The following DHX37 variants were observed in gnomAD, a reference collection of about 807,000 sequenced individuals.
DHX37 encodes the protein probable ATP-dependent RNA helicase DHX37.
In DHX37, 52 loss-of-function variants were observed where a neutral mutation model predicts 134.3. The observed-to-expected ratio is 0.39, with a 90% CI of 0.31 to 0.49. The LOEUF (loss-of-function observed/expected upper bound fraction) is 0.49, where lower values mean the gene tolerates loss of function less well. Ranked by LOEUF, DHX37 falls within the 20% of genes least tolerant of loss-of-function variation. The pLI, the probability that DHX37 is intolerant of heterozygous loss-of-function variation, is 0.93. For synonymous variants in DHX37, 634 were observed against 670.7 expected, an observed-to-expected ratio of 0.95 and a Z score of 0.85; for missense variants, 1,344 against 1,580.8, an observed-to-expected ratio of 0.85 and a Z score of 2.54.
rs201658078 is a variant in DHX37, at chr12:124,986,083, G to C, written c.276+13C>G. ...GGAGAGCCACTTGCAGACCCTGCCC[G>C]AGTGGGGTGTACCTGGCTCTTTTTC... On this transcript the variant is annotated intron_variant, in intron 2 of 26. Coordinates refer to ENST00000308736, the MANE Select transcript of DHX37 (RefSeq NM_032656.4). 1 of 1,612,938 alleles carries C rather than the reference G, an allele frequency of 6.2e-7. No homozygotes were observed. The highest frequency in any genetic ancestry group is 8.5e-7 in the Non-Finnish European group (1 of 1,179,888).
At chr12:124,956,982 G>A (rs367914590) in intron 17 of DHX37, 47 bp downstream of exon 17, 1 of 1,522,934 alleles carries the variant, frequency 6.6e-7, no homozygotes, top group African/African-American at 1.4e-5. Flanking sequence ...AAGGGAGAGA[G>A]GGCCCTGAAC....
At chr12:124,973,384 A>C (rs1472451711) in intron 6 of DHX37, among the ~76,000 whole-genome samples, 9 of 152,060 alleles carry the variant, frequency 5.9e-5, no homozygotes, top group African/African-American at 2.2e-4. Context: ...AGCCTGGGTG[A>C]CAAAGTGAAA....
Position 124,964,944 on chromosome 12 carries a change from C to T in DHX37, c.1798G>A (p.Glu600Lys). ...AGCACGGTTACCTGTGCTTGCTTCT[C>T]TGGGGCCAGCAGAGAGTACAGCGGG... Reference protein sequence around the residue: ...VLPLYSLLAPEKQAQVFKPPP... With the variant: ...VLPLYSLLAPKKQAQVFKPPP... Residue 600 changes from glutamate to lysine, a missense_variant, in exon 14 of 27, where the codon GAG (glutamate) becomes AAG (lysine). By Grantham distance (56) the Glu-to-Lys change is moderately conservative. Around this residue, in one of 7 missense-constraint regions of DHX37, gnomAD observed 289 missense variants for 323.8 expected, o/e 0.89. Transcript: ENST00000308736. The T allele has an allele frequency of 6.3e-7, 1 of 1,595,178 alleles. No homozygotes were observed. The highest frequency in any genetic ancestry group is 8.5e-7 in the Non-Finnish European group (1 of 1,172,596).
chr12:124,957,225 A>G (rs1954117576), intron 16 of DHX37, 90 bp from the exon 17 acceptor site: 1 of 1,228,562 alleles, frequency 8.1e-7, no homozygotes, highest in Non-Finnish European at 1.1e-6. Flanking sequence ...ACTCCCTCCA[A>G]CCCCTCTCTC....
At chr12:124,985,617 C>T (rs1390422657) in intron 2 of DHX37, among the ~76,000 whole-genome samples, 3 of 149,566 alleles carry the variant, frequency 2.0e-5, no homozygotes, top group East Asian at 2.0e-4. Context: ...CGTGGTGGCA[C>T]GCGCCTGTAA....
At chr12:124,986,338 A>AAGTCAGGGGG in intron 1 of DHX37, 73 bp from the exon 2 acceptor site, 1 of 1,543,300 alleles carries the variant, frequency 6.5e-7, no homozygotes, top group Non-Finnish European at 8.8e-7. Flanking sequence ...AAGCCCCCTG[A>AAGTCAGGGGG]CTTGCATGGG....
intron 6 of DHX37, 82 bp downstream of exon 6, chr12:124,975,337 C>A: frequency 7.1e-7 from 1 of 1,413,588 alleles, no homozygotes; most frequent in South Asian, 1.2e-5. Flanking sequence ...ACAGATGCTG[C>A]TCACCTCCTC....
chr12:124,963,019 G>A (rs747078886), intron 15 of DHX37, among the ~76,000 whole-genome samples: 4 of 152,158 alleles, frequency 2.6e-5, no homozygotes, highest in Admixed American at 6.6e-5. Context: ...CAAGAGCAAT[G>A]AAACCGGAGC....
At position 124,986,181 on chromosome 12, in the gene DHX37, A is replaced by C; in HGVS notation, c.191T>G (p.Leu64Arg). ...CAGAGGCTTCTTCTCCTTCTTCGAC[A>C]GGGGAGGGGCTTTGGTCTTCTTTTT... ...KKKKKTKAPP[L>R]SKKEKKPLTK... The change falls in exon 2 of 27, where the codon CTG becomes CGG. Residue 64 changes from leucine (L) to arginine (R), a missense_variant. Physicochemically the swap from Leu to Arg is moderately radical, Grantham distance 102. Coordinates refer to ENST00000308736, the MANE Select transcript of DHX37 (RefSeq NM_032656.4). 1 of 1,614,154 alleles carries C rather than the reference A, an allele frequency of 6.2e-7. No individual in the cohort carries two copies. The highest frequency in any genetic ancestry group is 8.5e-7 in the Non-Finnish European group (1 of 1,180,032).
chr12:124,956,825 C>T lies in DHX37; in HGVS notation c.2319G>A (p.Arg773=). The T allele has an allele frequency of 6.2e-7, 1 of 1,611,046 alleles. No individual in the cohort carries two copies. The highest frequency in any genetic ancestry group is 8.5e-7 in the Non-Finnish European group (1 of 1,177,822). Residue 773 remains arginine (R), a synonymous_variant, in exon 18 of 27, where the codon CGG becomes CGA. Transcript: ENST00000308736. ...GTGCCACGGGGAATGTGGCCATTGTCCGGCCCAGCGCAGTGATGGGGCAGC... is the reference window on the plus strand; with the variant it reads ...GTGCCACGGGGAATGTGGCCATTGTTCGGCCCAGCGCAGTGATGGGGCAGC... The part of the protein sequence containing the change: ...RLSCPITALG[R]TMATFPVAPR...
intron 2 of DHX37, among the ~76,000 whole-genome samples, chr12:124,983,096 T>C (rs1345477400): frequency 6.6e-6 from 1 of 152,136 alleles, no homozygotes; most frequent in East Asian, 1.9e-4. Flanking sequence ...TTCTTGTAAC[T>C]GTACATATAG....
rs140263914 is a variant in DHX37, at chr12:124,980,500, G to A, written c.728C>T (p.Pro243Leu). The stretch of plus-strand genomic sequence containing the variant: ...CACGGGGTGGCGAACCTGCATTTCC[G>A]GGGAGCGGTTCACGGGGATGAAGAC... ...PAVFIPVNRS[P>L]EMQEERLKLP... The change falls in exon 4 of 27, where the codon CCG (proline) becomes CTG (leucine). Residue 243 changes from proline to leucine, a missense_variant. Coordinates refer to ENST00000308736, the MANE Select transcript of DHX37 (RefSeq NM_032656.4). This position sits in a 1 kb window ranked among gnomAD's most constrained non-coding sequence, Gnocchi z 5.3. 1.6e-5 allele frequency: 26 copies of A among 1,607,514 alleles called. No individual in the cohort carries two copies. Among genetic ancestry groups the A allele is most frequent in the Admixed American group, 8.6e-5 (5 of 57,952 alleles).
chr12:124,977,610 G>C (rs989940091), intron 4 of DHX37, 120 bp from the exon 5 acceptor site: 18 of 1,214,334 alleles, frequency 1.5e-5, no homozygotes, highest in African/African-American at 4.7e-5. Flanking sequence ...GGGAACAGAG[G>C]CCCTGACAGC....
intron 4 of DHX37, among the ~76,000 whole-genome samples, chr12:124,979,892 A>G (rs981275382): frequency 2.6e-5 from 4 of 152,212 alleles, no homozygotes; most frequent in Non-Finnish European, 5.9e-5. Context: ...AGACTTATAA[A>G]AGCAGAAAAA....
intron 8 of DHX37, 91 bp from the exon 9 acceptor site, chr12:124,969,059 C>T (rs547790259): frequency 2.3e-6 from 3 of 1,277,172 alleles, no homozygotes; most frequent in Admixed American, 2.0e-5. Context: ...CTGCTGCCCA[C>T]CCCGTTTCCA....
chr12:124,986,314 G>T, intron 1 of DHX37, 49 bp from the exon 2 acceptor site: 1 of 1,593,436 alleles, frequency 6.3e-7, no homozygotes. Context: ...GGTAGCTCTG[G>T]TCCCGCCTCC....
Position 124,950,718 on chromosome 12 carries a change from G to A in DHX37, c.2955C>T (p.Ile985=), listed in dbSNP as rs61757600. The part of the protein sequence containing the change: ...ELPEFVVYQE[I]VETTKMYMKG... ...TCATGTACATCTTAGTGGTCTCCAC[G>A]ATTTCCTGGTAGACCACAAACTCGG... The change falls in exon 22 of 27, where the codon ATC becomes ATT. Residue 985 remains isoleucine, a synonymous_variant. Coordinates refer to ENST00000308736, the MANE Select transcript of DHX37 (RefSeq NM_032656.4). 5 of 1,611,536 alleles carry A rather than the reference G, an allele frequency of 3.1e-6. No homozygotes were observed. Among genetic ancestry groups the A allele is most frequent in the Middle Eastern group, 1.7e-4 (1 of 6,052 alleles).
intron 20 of DHX37, 25 bp from the exon 21 acceptor site, chr12:124,952,595 T>C (rs759114508): frequency 3.4e-5 from 53 of 1,550,388 alleles, no homozygotes; most frequent in Non-Finnish European, 4.6e-5. Context: ...AAGAGTGAGG[T>C]CGGTGGTGGC....
intron 2 of DHX37, among the ~76,000 whole-genome samples, chr12:124,983,136 T>C (rs369880755): frequency 7.9e-5 from 12 of 152,138 alleles, no homozygotes; most frequent in Admixed American, 5.9e-4. Context: ...TGAGACAGAG[T>C]GTCGCTCTGT....
Sources: gnomAD v4.1 joint callset for allele counts (sites outside exome capture counted in the v4.1 genomes callset) on GRCh38, gnomAD v4.1.1 for gene constraint, gnomAD v4.1.1 regional missense constraint, Gnocchi (gnomAD v3.1) non-coding constraint, MANE v1.5 for transcripts, NCBI Gene and HGNC (gene_info 2026-07-23, HGNC 2026-07-21) for gene names.